PCDH15: variants seen among roughly 807,000 people sequenced by gnomAD.
The protein encoded by PCDH15 is protocadherin related 15.
A neutral mutation model predicts 178.5 loss-of-function variants in PCDH15; 129 were observed. That is an observed-to-expected ratio of 0.72 (90% CI 0.63 to 0.84). The LOEUF is 0.84. Among genes scored for constraint, PCDH15 ranks in the 40% least tolerant of loss-of-function variants. The pLI is 0.00. For synonymous variants in PCDH15, 800 were observed against 732.0 expected, an observed-to-expected ratio of 1.09 and a Z score of -1.50; for missense variants, 2,230 against 2,099.9, an observed-to-expected ratio of 1.06 and a Z score of -1.21.
At chr10:55,285,612 T>C (rs1035600135) in intron 1 of PCDH15, among the ~76,000 whole-genome samples, 4 of 151,908 alleles carry the variant, frequency 2.6e-5, no homozygotes, top group African/African-American at 9.7e-5. Flanking sequence ...CTACTTAACA[T>C]ATTTTTTTCT....
At chr10:53,821,534 G>A (rs1171983049) in intron 32 of PCDH15, 1 of 1,079,766 alleles carries the variant, frequency 9.3e-7, no homozygotes, top group African/African-American at 1.7e-5. Flanking sequence ...CCACATGATA[G>A]ACATGCCTTT....
At chr10:54,745,044 C>A (rs1235040418) in intron 1 of PCDH15, among the ~76,000 whole-genome samples, 2 of 152,046 alleles carry the variant, frequency 1.3e-5, no homozygotes, top group African/African-American at 4.8e-5. Context: ...TATTTTATGA[C>A]ATGAATTATA....
At chr10:54,792,595 C>CCTA (rs1195861154) in intron 1 of PCDH15, among the ~76,000 whole-genome samples, 2 of 151,852 alleles carry the variant, frequency 1.3e-5, no homozygotes, top group African/African-American at 4.8e-5. Context: ...AGTTGCTCTC[C>CCTA]CTACCTGTCT....
intron 3 of PCDH15, among the ~76,000 whole-genome samples, chr10:54,873,500 T>C (rs1954077091): frequency 1.3e-5 from 2 of 148,432 alleles, no homozygotes; most frequent in Non-Finnish European, 3.0e-5. Context: ...TATATACGTG[T>C]ATGTATATAT....
intron 20 of PCDH15, among the ~76,000 whole-genome samples, chr10:53,996,510 A>G (rs1026705616): frequency 9.9e-5 from 15 of 152,140 alleles, no homozygotes; most frequent in Admixed American, 3.3e-4. Context: ...GGCACTGAAG[A>G]TACTGTTGTG....
chr10:55,438,986 C>T (rs1166609507), intron 2 of PCDH15, among the ~76,000 whole-genome samples: 3 of 151,916 alleles, frequency 2.0e-5, no homozygotes, highest in Non-Finnish European at 4.4e-5. Context: ...ACAAGCTCCG[C>T]CTCCCGGGTT....
chr10:54,122,012 C>CAA (rs1170689554), intron 15 of PCDH15, among the ~76,000 whole-genome samples: 1 of 150,608 alleles, frequency 6.6e-6, no homozygotes, highest in Non-Finnish European at 1.5e-5. Flanking sequence ...TACACACACA[C>CAA]ACACACACAC....
At chr10:55,408,310 C>T (rs532450731) in intron 2 of PCDH15, among the ~76,000 whole-genome samples, 35 of 151,926 alleles carry the variant, frequency 2.3e-4, no homozygotes, top group Middle Eastern at 3.4e-3. Context: ...CTCAGCTTGC[C>T]GAGTAGCTGA....
intron 2 of PCDH15, among the ~76,000 whole-genome samples, chr10:55,066,706 A>T (rs533689892): frequency 6.6e-6 from 1 of 150,790 alleles, no homozygotes; most frequent in Non-Finnish European, 1.5e-5. Context: ...TGTTCTCTGT[A>T]TCACATTTTA....
chr10:54,269,521 C>T (rs1194222798), intron 8 of PCDH15, among the ~76,000 whole-genome samples: 1 of 151,828 alleles, frequency 6.6e-6, no homozygotes, highest in Non-Finnish European at 1.5e-5. Flanking sequence ...GAAATGTCTT[C>T]AACAGAATAA....
In PCDH15 at chr10:54,917,267, G is replaced by T. The variant is rs59326846; in HGVS notation, c.-79-19767C>A. ...AGAAGATTTAGCCAATAGCCTTTTT[G>T]TCAGAAAAATAAGAAGAGCCCTAGA... On this transcript the variant is annotated intron_variant, in intron 2 of 5. Coordinates refer to the PCDH15 transcript ENST00000458638. Among the ~76,000 whole-genome samples the T allele has an allele frequency of 8.8e-3, 1,336 of 152,122 alleles. 15 individuals are homozygous for T. Among genetic ancestry groups the T allele is most frequent in the African/African-American group, 0.03 (1,245 of 41,534 alleles).
chr10:53,809,049 C>A (rs756342988), intron 37 of PCDH15: 1 of 1,610,694 alleles, frequency 6.2e-7, no homozygotes, highest in Admixed American at 1.7e-5. Context: ...CCTCCTCAAC[C>A]ATGGGCCTTC....
intron 1 of PCDH15, among the ~76,000 whole-genome samples, chr10:54,730,225 A>C (rs961592838): frequency 6.6e-6 from 1 of 151,668 alleles, no homozygotes. Context: ...GCCTTAAATA[A>C]GAATGAAATC....
At chr10:55,330,838 A>ATGTGTGTGTGTGTGTGTGTG (rs71461291) in intron 2 of PCDH15, among the ~76,000 whole-genome samples, 1 of 144,614 alleles carries the variant, frequency 6.9e-6, no homozygotes, top group African/African-American at 2.5e-5. Flanking sequence ...AGATTTATTT[A>ATGTGTGTGTGTGTGTGTGTG]TGTGTGTGTG....
In PCDH15 at chr10:55,265,311, G is replaced by GATAT. The variant is rs146070132; in HGVS notation, c.-156+54284_-156+54287dup. ...GATAGATATAGAGATGTATCTCTAT[G>GATAT]ATATATATATATATATAGACATAGA... On this transcript the variant is annotated intron_variant, in intron 1 of 5. Coordinates refer to the PCDH15 transcript ENST00000458638. 1.9e-3 allele frequency among the ~76,000 whole-genome samples: 270 copies of GATAT among 144,242 alleles called. 5 individuals carry two copies. Among genetic ancestry groups the GATAT allele is most frequent in the African/African-American group, 6.0e-3 (225 of 37,530 alleles). 94.6% of individuals were successfully genotyped at this position (144,242 alleles called of 152,430 possible).
At chr10:55,583,587 C>A (rs7083706) in intron 2 of PCDH15, among the ~76,000 whole-genome samples, 23,687 of 152,056 alleles carry the variant, frequency 0.16, 1,917 homozygotes, top group South Asian at 0.19. Context: ...GCATGTACCA[C>A]CATGCCCAGC....
chr10:54,949,183 T>C (rs2131872278), intron 2 of PCDH15, among the ~76,000 whole-genome samples: 1 of 152,074 alleles, frequency 6.6e-6, no homozygotes, highest in Non-Finnish European at 1.5e-5. Flanking sequence ...AAGAACTGCC[T>C]GAGACTGGGT....
intron 20 of PCDH15, among the ~76,000 whole-genome samples, chr10:53,996,322 T>C (rs1019986909): frequency 6.6e-6 from 1 of 152,176 alleles, no homozygotes; most frequent in African/African-American, 2.4e-5. Flanking sequence ...AGATTAGATA[T>C]ATTTATACAC....
chr10:54,921,654 G>T (rs1264990227), intron 2 of PCDH15, among the ~76,000 whole-genome samples: 1 of 152,034 alleles, frequency 6.6e-6, no homozygotes, highest in Non-Finnish European at 1.5e-5. Context: ...TCTGATAAAA[G>T]ACTTGATCTC....
Sources: allele counts gnomAD v4.1 joint callset (sites outside exome capture counted in the v4.1 genomes callset), GRCh38; gene constraint gnomAD v4.1.1; transcripts MANE v1.5; gene names NCBI Gene and HGNC (gene_info 2026-07-23, HGNC 2026-07-21).